KAZN: variants seen among roughly 807,000 people sequenced by gnomAD.
KAZN encodes the protein kazrin, periplakin interacting protein.
Under a neutral mutation model 87.4 loss-of-function variants are expected in KAZN, and 40 were observed. That is an observed-to-expected ratio of 0.46 (90% CI 0.36 to 0.60). The LOEUF (loss-of-function observed/expected upper bound fraction) is 0.60, where lower values mean the gene tolerates loss of function less well. KAZN is among the 20% of genes least tolerant of loss of function. The pLI, the probability that KAZN is intolerant of heterozygous loss-of-function variation, is 0.00. For synonymous variants in KAZN, 466 were observed against 458.3 expected (o/e 1.02, Z -0.22); for missense variants, 898 against 1,073.9 (o/e 0.84, Z 2.29).
At chr1:14,140,294 T>C (rs1645208185) in intron 1 of KAZN, among the ~76,000 whole-genome samples, 1 of 152,120 alleles carries the variant, frequency 6.6e-6, no homozygotes, top group East Asian at 1.9e-4. Flanking sequence ...AGGATTTGAT[T>C]CAATAAGACA....
chr1:15,055,242 C>T (rs922130262), intron 4 of KAZN, among the ~76,000 whole-genome samples: 19 of 152,136 alleles, frequency 1.2e-4, no homozygotes, highest in Non-Finnish European at 2.1e-4. Context: ...TTTGGGAGGC[C>T]GAGGCAGGTG....
chr1:14,753,637 T>C (rs16850817), intron 1 of KAZN, among the ~76,000 whole-genome samples: 8,999 of 152,162 alleles, frequency 0.059, 432 homozygotes, highest in African/African-American at 0.13. Context: ...ATCACAATCA[T>C]TACCAATTGA....
rs1257847855 is a variant in KAZN at position 14,773,325 on chromosome 1, A to AC, written c.226+174105dup. ...CTGGCGTATGAGAAGACCACCCCCC[A>AC]CCCAATCCACCTCCCACCTCACCTG... On this transcript the variant is annotated intron_variant, in intron 1 of 14. Transcript: ENST00000376030. The surrounding 1 kb of genome is among the most constrained non-coding windows in gnomAD (Gnocchi z 5.9). 2.0e-5 allele frequency among the ~76,000 whole-genome samples: 3 copies of AC among 151,962 alleles called. No individual in the cohort carries two copies. Among genetic ancestry groups the AC allele is most frequent in the African/African-American group, 7.2e-5 (3 of 41,380 alleles).
At chr1:14,604,445 G>A (rs950100546) in intron 1 of KAZN, among the ~76,000 whole-genome samples, 3 of 152,290 alleles carry the variant, frequency 2.0e-5, no homozygotes, top group Admixed American at 6.5e-5. Flanking sequence ...GGAGAAGCTG[G>A]AAGAAGATCA....
At chr1:14,408,335 C>A (rs1168694740) in intron 2 of KAZN, among the ~76,000 whole-genome samples, 3 of 152,120 alleles carry the variant, frequency 2.0e-5, no homozygotes, top group African/African-American at 7.2e-5. Flanking sequence ...CTTTGAGCAT[C>A]TGTAGCTTTG....
At chr1:14,365,445 T>TA (rs1340197831) in intron 2 of KAZN, among the ~76,000 whole-genome samples, 3 of 151,272 alleles carry the variant, frequency 2.0e-5, no homozygotes, top group Non-Finnish European at 2.9e-5. Flanking sequence ...GACCTCATCT[T>TA]AATTAATTAC....
At chr1:14,268,198 G>C (rs187459784) in intron 2 of KAZN, among the ~76,000 whole-genome samples, 83 of 152,254 alleles carry the variant, frequency 5.5e-4, no homozygotes, top group African/African-American at 1.8e-3. Flanking sequence ...AGGTTGCAAG[G>C]CTTAAGGAAG....
At chr1:14,163,336 A>T (rs772534970) in intron 1 of KAZN, among the ~76,000 whole-genome samples, 14 of 152,168 alleles carry the variant, frequency 9.2e-5, no homozygotes, top group Non-Finnish European at 1.5e-4. Flanking sequence ...GTTTTCATAC[A>T]TTGGCATAGT....
intron 1 of KAZN, among the ~76,000 whole-genome samples, chr1:14,174,288 C>T (rs1263506653): frequency 2.0e-5 from 3 of 152,006 alleles, no homozygotes; most frequent in Non-Finnish European, 1.5e-5. Context: ...TGCAGGGGGT[C>T]CACACTCAGA....
At chr1:14,688,470 G>A (rs1331854760) in intron 1 of KAZN, among the ~76,000 whole-genome samples, 1 of 152,212 alleles carries the variant, frequency 6.6e-6, no homozygotes, top group Non-Finnish European at 1.5e-5. Context: ...CTGCCCTGGG[G>A]TAGACATCAA....
Position 14,056,105 on chromosome 1 carries a change from C to T in KAZN, c.92-124330C>T, listed in dbSNP as rs146332194. Among the ~76,000 whole-genome samples, 4 of 152,356 alleles carry T rather than the reference C, an allele frequency of 2.6e-5. No homozygotes were observed. The East Asian group carries it at 7.7e-4, about 29-fold the overall frequency. On this transcript the variant is annotated intron_variant, in intron 1 of 16. Coordinates refer to the KAZN transcript ENST00000636203. Reference sequence around the variant, plus strand: ...TCCCAAAGCCTTTTCACCTAGGAGGCAACTCAGCTTCATGGAGCCTCAGCT... The same window carrying T: ...TCCCAAAGCCTTTTCACCTAGGAGGTAACTCAGCTTCATGGAGCCTCAGCT...
intron 1 of KAZN, among the ~76,000 whole-genome samples, chr1:13,993,001 T>C (rs1314126542): frequency 1.3e-5 from 2 of 152,226 alleles, no homozygotes; most frequent in African/African-American, 4.8e-5. Context: ...CTATGACTGG[T>C]GGACCAAATA....
intron 1 of KAZN, among the ~76,000 whole-genome samples, chr1:14,009,495 A>G (rs892465650): frequency 2.0e-5 from 3 of 152,184 alleles, no homozygotes; most frequent in African/African-American, 7.2e-5. Context: ...TTTTTCTTTG[A>G]TAATAGCCAT....
In KAZN at chr1:14,017,972, A is replaced by G. The variant is rs999392865; in HGVS notation, c.91+124216A>G. ...AACAGCTGACGTTTACTAAGCATGT[A>G]TCTGCCAGGCACTGATCAAAATGCT... On this transcript the variant is annotated intron_variant, in intron 1 of 16. Coordinates refer to the KAZN transcript ENST00000636203. 1.5e-4 allele frequency among the ~76,000 whole-genome samples: 23 copies of G among 152,206 alleles called. 1 individual carries two copies. Among genetic ancestry groups the G allele is most frequent in the Non-Finnish European group, 4.4e-5 (3 of 68,036 alleles).
intron 1 of KAZN, among the ~76,000 whole-genome samples, chr1:14,800,139 A>G (rs1329248290): frequency 1.3e-5 from 2 of 152,164 alleles, no homozygotes; most frequent in African/African-American, 2.4e-5. Flanking sequence ...TCCTAACCCA[A>G]AAGTACCCCA....
intron 1 of KAZN, among the ~76,000 whole-genome samples, chr1:14,922,263 G>T (rs748432100): frequency 1.2e-4 from 19 of 152,180 alleles, no homozygotes; most frequent in Non-Finnish European, 2.5e-4. Flanking sequence ...GTCCCTGAAG[G>T]TAACTCAGAC....
chr1:14,154,947 A>C (rs2101809028), intron 1 of KAZN, among the ~76,000 whole-genome samples: 1 of 82,050 alleles, frequency 1.2e-5, no homozygotes, highest in East Asian at 6.9e-4. Context: ...ATTGGCTTGT[A>C]GTTTTTCTTC....
At chr1:14,099,899 T>C (rs72862538) in intron 1 of KAZN, among the ~76,000 whole-genome samples, 17,051 of 152,212 alleles carry the variant, frequency 0.11, 3,082 homozygotes, top group African/African-American at 0.38. Context: ...GCAACTAACC[T>C]GCATTGTGGT....
intron 1 of KAZN, among the ~76,000 whole-genome samples, chr1:14,001,112 A>G (rs1024348943): frequency 1.3e-5 from 2 of 152,154 alleles, no homozygotes; most frequent in African/African-American, 4.8e-5. Context: ...AAACCCCATC[A>G]TCTCAGCCCC....
Sources: gnomAD v4.1 joint callset for allele counts (sites outside exome capture counted in the v4.1 genomes callset) on GRCh38, gnomAD v4.1.1 for gene constraint, Gnocchi (gnomAD v3.1) non-coding constraint, MANE v1.5 for transcripts, NCBI Gene and HGNC (gene_info 2026-07-23, HGNC 2026-07-21) for gene names.